DRAM1: variants seen among roughly 807,000 people sequenced by gnomAD.
DRAM1 encodes DNA damage regulated autophagy modulator 1, also known as DNA damage-regulated autophagy modulator protein 1.
In DRAM1, 25 loss-of-function variants were observed where a neutral mutation model predicts 28.5. The observed-to-expected ratio is 0.88, with a 90% CI of 0.64 to 1.23. The LOEUF (loss-of-function observed/expected upper bound fraction) is 1.23, where lower values mean the gene tolerates loss of function less well. Among genes scored for constraint, DRAM1 ranks in the 50% most tolerant of loss-of-function variants. The pLI is 0.00. For missense variants in DRAM1, 249 were observed against 299.2 expected, an observed-to-expected ratio of 0.83 and a Z score of 1.24; for synonymous variants, 113 against 114.2, an observed-to-expected ratio of 0.99 and a Z score of 0.07.
intron 3 of DRAM1, among the ~76,000 whole-genome samples, chr12:101,904,726 C>A (rs1477843722): frequency 2.0e-5 from 3 of 152,006 alleles, no homozygotes; most frequent in Non-Finnish European, 2.9e-5. Flanking sequence ...CAGGCGTGAG[C>A]CACCGCGCCT....
At chr12:101,914,515 C>T (rs1242805815) in intron 5 of DRAM1, among the ~76,000 whole-genome samples, 1 of 140,356 alleles carries the variant, frequency 7.1e-6, no homozygotes, top group Non-Finnish European at 1.5e-5. Context: ...CAGAGTCTTG[C>T]TGTGTTGCCC....
chr12:101,900,992 A>G (rs773064271), intron 2 of DRAM1, among the ~76,000 whole-genome samples: 8 of 152,124 alleles, frequency 5.3e-5, no homozygotes, highest in Non-Finnish European at 1.2e-4. Flanking sequence ...AAAGATCTCC[A>G]TGGTACACTG....
chr12:101,898,972 G>T (rs1324023540), intron 2 of DRAM1, among the ~76,000 whole-genome samples: 1 of 152,176 alleles, frequency 6.6e-6, no homozygotes, highest in Non-Finnish European at 1.5e-5. Context: ...ATAGATATCA[G>T]ATGTGGGGCA....
At chr12:101,880,215 G>A (rs1350527804) in intron 1 of DRAM1, among the ~76,000 whole-genome samples, 1 of 149,124 alleles carries the variant, frequency 6.7e-6, no homozygotes, top group Non-Finnish European at 1.5e-5. Context: ...ACCATGCCCA[G>A]CTAATTTTTA....
chr12:101,884,622 A>G (rs1168073618), intron 1 of DRAM1, among the ~76,000 whole-genome samples: 1 of 152,080 alleles, frequency 6.6e-6, no homozygotes, highest in African/African-American at 2.4e-5. Context: ...CTCACTTTCC[A>G]TGTGAATACA....
At position 101,877,770 on chromosome 12, in the gene DRAM1, T is replaced by TCGGCGG. The variant is rs199915928; in HGVS notation, c.-8_-3dup. The TCGGCGG allele has an allele frequency of 1.7e-4, 252 of 1,477,488 alleles. No homozygotes were observed. The South Asian group carries it at 2.0e-3, about 12-fold the overall frequency. 91.5% of individuals were successfully genotyped at this position (1,477,488 alleles called of 1,614,324 possible). A position where few individuals can be genotyped will look rare whatever the true frequency, so the allele number is the denominator to read the frequency against. On this transcript the variant is annotated 5_prime_UTR_variant, in exon 1 of 7. Transcript: ENST00000258534. This position sits in a 1 kb window ranked among gnomAD's most constrained non-coding sequence, Gnocchi z 4.1. Reference sequence around the variant, plus strand: ...CGGCCCCGCTGGGCGCAGCACTCCGTCGGCGGCGGCGGCGGCGCGATGCTG... The same window carrying TCGGCGG: ...CGGCCCCGCTGGGCGCAGCACTCCGTCGGCGGCGGCGGCGGCGGCGGCGCGATGCTG...
At chr12:101,912,387 C>T (rs953842609) in intron 4 of DRAM1, among the ~76,000 whole-genome samples, 1 of 152,114 alleles carries the variant, frequency 6.6e-6, no homozygotes, top group African/African-American at 2.4e-5. Flanking sequence ...GTACCCAGTT[C>T]TTTTCTGTCT....
At chr12:101,878,300 C>T (rs1872568220) in intron 1 of DRAM1, among the ~76,000 whole-genome samples, 1 of 152,180 alleles carries the variant, frequency 6.6e-6, no homozygotes, top group Non-Finnish European at 1.5e-5. Flanking sequence ...TAAACAGCCA[C>T]TATTTTCACT....
At chr12:101,909,720 A>G (rs1873969350) in intron 4 of DRAM1, among the ~76,000 whole-genome samples, 1 of 152,244 alleles carries the variant, frequency 6.6e-6, no homozygotes, top group Non-Finnish European at 1.5e-5. Flanking sequence ...GGAAATGAAA[A>G]TATAAATTTA....
intron 1 of DRAM1, among the ~76,000 whole-genome samples, chr12:101,897,124 A>G (rs2121082858): frequency 6.6e-6 from 1 of 152,160 alleles, no homozygotes; most frequent in East Asian, 1.9e-4. Context: ...AGATAATAAA[A>G]TCTCAATTAT....
intron 4 of DRAM1, among the ~76,000 whole-genome samples, chr12:101,910,386 A>G (rs1485165108): frequency 6.6e-6 from 1 of 152,180 alleles, no homozygotes; most frequent in Non-Finnish European, 1.5e-5. Flanking sequence ...AACTTCGGAA[A>G]CAGATCCCTA....
chr12:101,877,902 C>A lies in DRAM1; in HGVS notation c.113C>A (p.Pro38His). Residue 38 changes from proline to histidine, a missense_variant, in exon 1 of 7, where the codon CCC becomes CAC. By Grantham distance (77) the Pro-to-His change is moderately conservative. Coordinates refer to ENST00000258534, the MANE Select transcript of DRAM1 (RefSeq NM_018370.3). The surrounding 1 kb of genome is among the most constrained non-coding windows in gnomAD (Gnocchi z 4.1). Reference protein sequence around the residue: ...VVAVLSGHVNPFLPYISDTGT... With the variant: ...VVAVLSGHVNHFLPYISDTGT... ...GCCGTGCTCTCCGGGCACGTCAACC[C>A]CTTCCTCCCGTATATCAGGTGAGTG... 6.5e-7 allele frequency: 1 copy of A among 1,538,802 alleles called. No homozygotes were observed. Among genetic ancestry groups the A allele is most frequent in the East Asian group, 2.5e-5 (1 of 40,382 alleles).
chr12:101,911,677 G>T (rs540299136), intron 4 of DRAM1, among the ~76,000 whole-genome samples: 3 of 152,236 alleles, frequency 2.0e-5, no homozygotes, highest in Non-Finnish European at 4.4e-5. Flanking sequence ...ATTGAGATGT[G>T]TCCTAAATGT....
In DRAM1 at chr12:101,914,680, CAG is replaced by C. The variant is rs572855140; in HGVS notation, c.579+451_579+452del. On this transcript the variant is annotated intron_variant, in intron 5 of 6. Transcript: ENST00000258534. Reference sequence around the variant, plus strand: ...GATTTTGTTTTGTTCTTTTCTGAGACAGAGTCTCGCTCTGTCACCCAGGCTGG... The same window carrying C: ...GATTTTGTTTTGTTCTTTTCTGAGACAGTCTCGCTCTGTCACCCAGGCTGG... 4.1e-3 allele frequency among the ~76,000 whole-genome samples: 631 copies of C among 152,206 alleles called. 5 individuals are homozygous for C. The highest frequency in any genetic ancestry group is 0.014 in the African/African-American group (599 of 41,518).
At chr12:101,901,503 G>T in intron 3 of DRAM1, 70 bp downstream of exon 3, 1 of 1,538,488 alleles carries the variant, frequency 6.5e-7, no homozygotes, top group African/African-American at 1.4e-5. Flanking sequence ...CAGCAGAAAT[G>T]CAAGAGGCAC....
chr12:101,901,709 A>G (rs1873610395), intron 3 of DRAM1, among the ~76,000 whole-genome samples: 1 of 152,062 alleles, frequency 6.6e-6, no homozygotes. Context: ...GTGAAGCCTC[A>G]TTTCTACTAA....
At chr12:101,889,504 A>G (rs192762255) in intron 1 of DRAM1, among the ~76,000 whole-genome samples, 18 of 81,786 alleles carry the variant, frequency 2.2e-4, no homozygotes, top group African/African-American at 1.2e-3. Flanking sequence ...TAAGGAAGGA[A>G]AGGAAGGAAG....
intron 3 of DRAM1, among the ~76,000 whole-genome samples, chr12:101,905,330 G>A (rs1028005441): frequency 1.3e-5 from 2 of 152,046 alleles, no homozygotes; most frequent in Admixed American, 6.6e-5. Context: ...TGCTCAGGCT[G>A]GAGTGCAGTG....
At chr12:101,921,120 C>A in intron 6 of DRAM1, 96 bp from the exon 7 acceptor site, 1 of 895,016 alleles carries the variant, frequency 1.1e-6, no homozygotes, top group Non-Finnish European at 1.9e-6. Flanking sequence ...ATAGTGAGAT[C>A]ATTCCTTAGG....
Sources: gnomAD v4.1 joint callset for allele counts (sites outside exome capture counted in the v4.1 genomes callset) on GRCh38, gnomAD v4.1.1 for gene constraint, Gnocchi (gnomAD v3.1) non-coding constraint, MANE v1.5 for transcripts, NCBI Gene and HGNC (gene_info 2026-07-23, HGNC 2026-07-21) for gene names.